Variants in PKIB observed in about 807,000 individuals in gnomAD.
PKIB encodes cAMP-dependent protein kinase inhibitor beta, also known as PKI-beta.
PKIB carries 2 observed loss-of-function variants against 4.5 expected under a neutral mutation model. The observed-to-expected ratio is 0.44, with a 90% CI of 0.18 to 1.39. PKIB has a LOEUF of 1.39. PKIB is among the 40% of genes most tolerant of loss of function. The pLI is 0.27. For synonymous variants in PKIB, 38 were observed against 36.0 expected, an observed-to-expected ratio of 1.06 and a Z score of -0.20; for missense variants, 94 against 92.6, an observed-to-expected ratio of 1.02 and a Z score of -0.06.
chr6:122,643,229 T>C (rs996608679), intron 2 of PKIB, among the ~76,000 whole-genome samples: 1 of 152,170 alleles, frequency 6.6e-6, no homozygotes, highest in Non-Finnish European at 1.5e-5. Flanking sequence ...TCTTACCCCA[T>C]GCAATTGTTT....
At position 122,584,887 on chromosome 6, in the gene PKIB, C is replaced by A. The variant is rs554642676; in HGVS notation, c.-247-1034C>A. 5.9e-5 allele frequency among the ~76,000 whole-genome samples: 9 copies of A among 152,176 alleles called. No homozygotes were observed. In the East Asian group the frequency reaches 1.7e-3, roughly 29 times the overall value. Reference sequence around the variant, plus strand: ...AGGTAAAACAGGGATGGGGCAGAAACATCTCTCCATAAGACAAGCCCACCA... The same window carrying A: ...AGGTAAAACAGGGATGGGGCAGAAAAATCTCTCCATAAGACAAGCCCACCA... On this transcript the variant is annotated intron_variant, in intron 2 of 6. Transcript: ENST00000392491.
intron 2 of PKIB, among the ~76,000 whole-genome samples, chr6:122,663,835 G>A (rs181903572): frequency 1.2e-4 from 18 of 152,094 alleles, no homozygotes; most frequent in Non-Finnish European, 2.1e-4. Flanking sequence ...ATATATTTTC[G>A]GGGGAAACGA....
intron 2 of PKIB, among the ~76,000 whole-genome samples, chr6:122,645,777 G>A (rs1776287038): frequency 1.3e-5 from 2 of 152,210 alleles, no homozygotes; most frequent in African/African-American, 2.4e-5. Flanking sequence ...TGGGGGTTAT[G>A]TGGATTGGAA....
intron 2 of PKIB, among the ~76,000 whole-genome samples, chr6:122,574,307 G>A (rs1294264991): frequency 6.6e-6 from 1 of 152,190 alleles, no homozygotes; most frequent in Non-Finnish European, 1.5e-5. Flanking sequence ...TGGATGGGAA[G>A]AATCAGTGTT....
At position 122,492,395 on chromosome 6, in the gene PKIB, G is replaced by A. The variant is rs531187087; in HGVS notation, c.-248+14456G>A. Among the ~76,000 whole-genome samples, 6 of 152,232 alleles carry A rather than the reference G, an allele frequency of 3.9e-5. No individual in the cohort carries two copies. In the East Asian group the frequency reaches 1.2e-3, roughly 29 times the overall value. On this transcript the variant is annotated intron_variant, in intron 2 of 6. Transcript: ENST00000392491. ...GTGCCTTTTAGATCTACGACCTATGGTTACTTCGGGCTCTTTATCACTGAT... is the reference window on the plus strand; with the variant it reads ...GTGCCTTTTAGATCTACGACCTATGATTACTTCGGGCTCTTTATCACTGAT...
chr6:122,507,634 G>A (rs568420820), intron 2 of PKIB, among the ~76,000 whole-genome samples: 3 of 150,580 alleles, frequency 2.0e-5, no homozygotes, highest in East Asian at 2.0e-4. Flanking sequence ...GCCATCAGGC[G>A]TGTTGGGGGC....
chr6:122,528,543 A>G (rs1162876414), intron 2 of PKIB, among the ~76,000 whole-genome samples: 1 of 152,138 alleles, frequency 6.6e-6, no homozygotes, highest in Admixed American at 6.6e-5. Flanking sequence ...ATCTTGCTGT[A>G]TCCTCACATG....
chr6:122,490,471 C>T (rs890976843), intron 2 of PKIB, among the ~76,000 whole-genome samples: 3 of 151,590 alleles, frequency 2.0e-5, no homozygotes, highest in South Asian at 2.1e-4. Flanking sequence ...TGGGGACTGG[C>T]GGGAGGTGAT....
At chr6:122,632,229 G>T (rs897963693) in intron 1 of PKIB, among the ~76,000 whole-genome samples, 3 of 152,184 alleles carry the variant, frequency 2.0e-5, no homozygotes, top group Non-Finnish European at 4.4e-5. Flanking sequence ...GAAGACAGCA[G>T]ACAACGTTGA....
At chr6:122,497,929 C>T (rs1776122467) in intron 2 of PKIB, among the ~76,000 whole-genome samples, 1 of 152,180 alleles carries the variant, frequency 6.6e-6, no homozygotes, top group South Asian at 2.1e-4. Context: ...CTTATCTGCA[C>T]ATGAAACATA....
intron 2 of PKIB, chr6:122,493,093 T>C (rs932844967): frequency 1.3e-5 from 2 of 152,242 alleles, no homozygotes; most frequent in Admixed American, 1.3e-4. Flanking sequence ...TTTTAGACTT[T>C]CCAATATTTT....
intron 3 of PKIB, among the ~76,000 whole-genome samples, chr6:122,680,170 T>A (rs925409615): frequency 3.9e-5 from 6 of 152,232 alleles, no homozygotes; most frequent in African/African-American, 1.2e-4. Context: ...TACAAATCTA[T>A]TTAACATGAA....
intron 1 of PKIB, among the ~76,000 whole-genome samples, chr6:122,475,847 C>T (rs558744413): frequency 1.3e-5 from 2 of 152,172 alleles, no homozygotes; most frequent in East Asian, 3.9e-4. Flanking sequence ...TCATGTATAT[C>T]ACATTAAAAA....
At chr6:122,534,182 A>G (rs1777338801) in intron 2 of PKIB, among the ~76,000 whole-genome samples, 1 of 148,580 alleles carries the variant, frequency 6.7e-6, no homozygotes, top group Non-Finnish European at 1.5e-5. Flanking sequence ...CATATATAAT[A>G]TATTATATAC....
At chr6:122,504,863 A>T (rs1268642445) in intron 2 of PKIB, among the ~76,000 whole-genome samples, 2 of 152,138 alleles carry the variant, frequency 1.3e-5, no homozygotes, top group East Asian at 3.9e-4. Context: ...GCCAGCCTCA[A>T]CACCATCCGT....
chr6:122,725,660 A>G lies in PKIB; in HGVS notation c.*465A>G, dbSNP rs1779926628. 6.6e-6 allele frequency: 1 copy of G among 152,556 alleles called. No individual in the cohort carries two copies. Among genetic ancestry groups the G allele is most frequent in the Non-Finnish European group, 1.5e-5 (1 of 68,280 alleles). The allele number at this position is 152,556 out of a possible 1,614,324, so 9.5% of individuals were successfully genotyped here. A position where few individuals can be genotyped will look rare whatever the true frequency, so the allele number is the denominator to read the frequency against. On this transcript the variant is annotated 3_prime_UTR_variant, in exon 5 of 5. Coordinates refer to ENST00000368452, the MANE Select transcript of PKIB (RefSeq NM_181795.3). ...AACAATAGTCAAAACTCACATGGAT[A>G]GAGTGTGTTTGTTTTTTGCCAAAAA...
At chr6:122,580,105 G>A (rs1392000826) in intron 2 of PKIB, among the ~76,000 whole-genome samples, 1 of 151,954 alleles carries the variant, frequency 6.6e-6, no homozygotes, top group African/African-American at 2.4e-5. Context: ...GACCTGTGTT[G>A]CTAGTTTGAT....
intron 2 of PKIB, among the ~76,000 whole-genome samples, chr6:122,570,508 A>G (rs973113471): frequency 6.6e-6 from 1 of 152,204 alleles, no homozygotes; most frequent in Non-Finnish European, 1.5e-5. Context: ...GGAGAATGAG[A>G]TAAGCTTCAA....
chr6:122,570,627 A>T (rs147380215), intron 2 of PKIB, among the ~76,000 whole-genome samples: 2 of 152,302 alleles, frequency 1.3e-5, no homozygotes, highest in East Asian at 3.9e-4. Flanking sequence ...GACCCTCTAT[A>T]ACTAAGGAAG....
Sources: gnomAD v4.1 joint callset for allele counts (sites outside exome capture counted in the v4.1 genomes callset) on GRCh38, gnomAD v4.1.1 for gene constraint, MANE v1.5 for transcripts, NCBI Gene and HGNC (gene_info 2026-07-23, HGNC 2026-07-21) for gene names.